LRRC36: variants seen among roughly 807,000 people sequenced by gnomAD.
LRRC36 encodes leucine rich repeat containing 36.
A neutral mutation model predicts 81.1 loss-of-function variants in LRRC36; 62 were observed. That is an observed-to-expected ratio of 0.76 (90% CI 0.62 to 0.94). LRRC36 has a LOEUF of 0.94. LRRC36 is among the 40% of genes least tolerant of loss of function. The pLI is 0.00. For synonymous variants in LRRC36, 334 were observed against 348.6 expected (o/e 0.96, Z 0.47); for missense variants, 761 against 881.7 (o/e 0.86, Z 1.73).
intron 5 of LRRC36, among the ~76,000 whole-genome samples, chr16:67,351,698 C>G (rs1391065435): frequency 1.3e-5 from 2 of 152,132 alleles, no homozygotes; most frequent in East Asian, 3.9e-4. Flanking sequence ...CAGAGTGAGA[C>G]TCTGTCTCAA....
intron 9 of LRRC36, among the ~76,000 whole-genome samples, chr16:67,372,715 G>A (rs1346168855): frequency 6.6e-6 from 1 of 152,182 alleles, no homozygotes; most frequent in Non-Finnish European, 1.5e-5. Context: ...TTATTTTTCA[G>A]TTGTTGGAAA....
rs143697752 is a variant in LRRC36, at chr16:67,336,223, T to G, written c.71-5734T>G. The stretch of plus-strand genomic sequence containing the variant: ...TACACTCTGTGGATGTACCATTGTT[T>G]GCTTATCCATTTACCTATTGAAGGA... On this transcript the variant is annotated intron_variant, in intron 1 of 13. Transcript: ENST00000329956. 6.2e-3 allele frequency among the ~76,000 whole-genome samples: 952 copies of G among 152,342 alleles called. 7 individuals carry two copies. Among genetic ancestry groups the G allele is most frequent in the South Asian group, 0.029 (141 of 4,830 alleles).
intron 9 of LRRC36, 132 bp from the exon 10 acceptor site, chr16:67,375,115 A>C: frequency 2.1e-6 from 2 of 947,254 alleles, no homozygotes; most frequent in Non-Finnish European, 3.1e-6. Flanking sequence ...TGACAGAGCG[A>C]GACTCCGTCT....
At chr16:67,359,985 C>T (rs1431067818) in intron 5 of LRRC36, among the ~76,000 whole-genome samples, 4 of 151,938 alleles carry the variant, frequency 2.6e-5, no homozygotes, top group Non-Finnish European at 4.4e-5. Context: ...ATTTGCTGGG[C>T]GTGGTGGTGC....
intron 1 of LRRC36, among the ~76,000 whole-genome samples, chr16:67,338,783 A>G (rs1372160714): frequency 6.7e-6 from 1 of 150,176 alleles, no homozygotes; most frequent in Non-Finnish European, 1.5e-5. Context: ...CATTTGAAAA[A>G]CCTTTTAAGT....
At chr16:67,335,253 T>C (rs541818345) in intron 1 of LRRC36, among the ~76,000 whole-genome samples, 1 of 152,252 alleles carries the variant, frequency 6.6e-6, no homozygotes, top group Admixed American at 6.5e-5. Flanking sequence ...AAAGCAGCCA[T>C]TTTAGAGGCC....
chr16:67,334,435 A>G (rs1321785865), intron 1 of LRRC36, among the ~76,000 whole-genome samples: 1 of 148,386 alleles, frequency 6.7e-6, no homozygotes, highest in Non-Finnish European at 1.5e-5. Context: ...AGTGATTCTC[A>G]TGCCTCAGCC....
chr16:67,349,379 G>C (rs2038509222), intron 4 of LRRC36, among the ~76,000 whole-genome samples: 1 of 152,024 alleles, frequency 6.6e-6, no homozygotes, highest in African/African-American at 2.4e-5. Flanking sequence ...CCAGTAGGGG[G>C]CCTTTTATGA....
intron 2 of LRRC36, among the ~76,000 whole-genome samples, chr16:67,344,978 A>C (rs1367855000): frequency 2.0e-5 from 3 of 150,960 alleles, no homozygotes; most frequent in African/African-American, 7.4e-5. Flanking sequence ...TTTTATGGAA[A>C]GCATTTTTAC....
intron 12 of LRRC36, 133 bp from the exon 13 acceptor site, chr16:67,382,000 G>A: frequency 1.6e-6 from 1 of 625,772 alleles, no homozygotes. Context: ...CTATCTCCAA[G>A]TAAGGCAATG....
intron 3 of LRRC36, among the ~76,000 whole-genome samples, chr16:67,347,077 G>A (rs2038386383): frequency 6.6e-6 from 1 of 152,062 alleles, no homozygotes; most frequent in African/African-American, 2.4e-5. Flanking sequence ...GTTTCATCAT[G>A]TTGCCCAGAC....
At chr16:67,332,512 C>A (rs989869892) in intron 1 of LRRC36, among the ~76,000 whole-genome samples, 1 of 152,030 alleles carries the variant, frequency 6.6e-6, no homozygotes, top group South Asian at 2.1e-4. Context: ...CAAGATGGTG[C>A]CATTGCACTC....
chr16:67,363,054 A>G (rs1446295403), intron 5 of LRRC36, among the ~76,000 whole-genome samples: 3 of 152,202 alleles, frequency 2.0e-5, no homozygotes, highest in Non-Finnish European at 4.4e-5. Flanking sequence ...AAGTGCTGGG[A>G]TTACAGGCGT....
At chr16:67,342,329 G>A (rs1056472500) in intron 2 of LRRC36, among the ~76,000 whole-genome samples, 10 of 152,100 alleles carry the variant, frequency 6.6e-5, no homozygotes, top group African/African-American at 2.2e-4. Context: ...CACTGTCTAG[G>A]GCAAATGCAT....
intron 5 of LRRC36, among the ~76,000 whole-genome samples, chr16:67,356,289 T>G (rs2038899806): frequency 1.3e-5 from 2 of 152,240 alleles, no homozygotes; most frequent in Non-Finnish European, 2.9e-5. Context: ...CCATCCCACT[T>G]CAACATGTTG....
intron 3 of LRRC36, 23 bp from the exon 4 acceptor site, chr16:67,347,472 C>A: frequency 6.2e-7 from 1 of 1,612,030 alleles, no homozygotes; most frequent in South Asian, 1.1e-5. Context: ...GAAACATGCT[C>A]AGACCACGGT....
Position 67,354,347 on chromosome 16 carries a change from G to A in LRRC36, c.577+4057G>A, listed in dbSNP as rs568255114. ...GGCTGGAGTGCAGTGGCGTCATCTC[G>A]GCTTATTGCAACTTCCACCTCCCGG... On this transcript the variant is annotated intron_variant, in intron 5 of 13. Transcript: ENST00000329956. Among the ~76,000 whole-genome samples, 166 of 152,094 alleles carry A rather than the reference G, an allele frequency of 1.1e-3. 1 individual carries two copies. The highest frequency in any genetic ancestry group is 1.9e-3 in the Non-Finnish European group (131 of 67,998).
At chr16:67,334,240 C>T (rs1567464999) in intron 1 of LRRC36, among the ~76,000 whole-genome samples, 1 of 152,046 alleles carries the variant, frequency 6.6e-6, no homozygotes. Flanking sequence ...ACCATGGTCT[C>T]GATCTCCTGA....
At chr16:67,328,036 G>A (rs1244599670) in intron 1 of LRRC36, among the ~76,000 whole-genome samples, 5 of 152,122 alleles carry the variant, frequency 3.3e-5, no homozygotes, top group Non-Finnish European at 7.4e-5. Context: ...AGCTGTAAAA[G>A]AGACTGCAGA....
Sources: allele counts gnomAD v4.1 joint callset (sites outside exome capture counted in the v4.1 genomes callset), GRCh38; gene constraint gnomAD v4.1.1; transcripts MANE v1.5; gene names NCBI Gene and HGNC (gene_info 2026-07-23, HGNC 2026-07-21).